Variants in PLXNC1 observed in about 807,000 individuals in gnomAD.
PLXNC1 encodes plexin-C1.
PLXNC1 carries 75 observed loss-of-function variants against 178.2 expected under a neutral mutation model. The observed-to-expected ratio is 0.42, with a 90% CI of 0.35 to 0.51. The LOEUF (loss-of-function observed/expected upper bound fraction) is 0.51, where lower values mean the gene tolerates loss of function less well. Among genes scored for constraint, PLXNC1 ranks in the 20% least tolerant of loss-of-function variants. PLXNC1 has a pLI of 0.02. For missense variants in PLXNC1, 1,503 were observed against 1,984.4 expected (o/e 0.76, Z 4.61); for synonymous variants, 790 against 779.9 (o/e 1.01, Z -0.22).
At chr12:94,194,520 G>A (rs1321526551) in intron 4 of PLXNC1, among the ~76,000 whole-genome samples, 4 of 152,296 alleles carry the variant, frequency 2.6e-5, no homozygotes, top group Admixed American at 6.5e-5. Flanking sequence ...TTGGGAGGCC[G>A]AGTTGGGTGA....
intron 9 of PLXNC1, among the ~76,000 whole-genome samples, chr12:94,231,501 G>A (rs1964101880): frequency 6.6e-6 from 1 of 152,128 alleles, no homozygotes; most frequent in Admixed American, 6.6e-5. Flanking sequence ...TTTTTTTAGT[G>A]TATGAGTTTG....
intron 4 of PLXNC1, among the ~76,000 whole-genome samples, chr12:94,199,160 A>G (rs549422709): frequency 6.6e-6 from 1 of 152,190 alleles, no homozygotes; most frequent in African/African-American, 2.4e-5. Context: ...ACCCAAAGGG[A>G]CCCACTCAGT....
At chr12:94,281,109 T>C (rs753891448) in intron 22 of PLXNC1, among the ~76,000 whole-genome samples, 6 of 152,142 alleles carry the variant, frequency 3.9e-5, no homozygotes, top group Non-Finnish European at 8.8e-5. Flanking sequence ...TGAAACTCTG[T>C]CTCTACTACA....
At chr12:94,177,226 TATAC>T (rs1490557204) in intron 2 of PLXNC1, among the ~76,000 whole-genome samples, 15,763 of 56,262 alleles carry the variant, frequency 0.28, 1,175 homozygotes, top group East Asian at 0.43. Flanking sequence ...TGTGTATATA[TATAC>T]ATATATATAT....
intron 22 of PLXNC1, among the ~76,000 whole-genome samples, chr12:94,280,466 C>T (rs2136138510): frequency 6.6e-6 from 1 of 152,300 alleles, no homozygotes; most frequent in South Asian, 2.1e-4. Flanking sequence ...CAGTCCAGCC[C>T]CCTGCTAAAA....
chr12:94,168,098 C>T (rs1277104022), intron 1 of PLXNC1: 2 of 152,158 alleles, frequency 1.3e-5, no homozygotes, highest in Non-Finnish European at 2.9e-5. Flanking sequence ...GTCTTAGCCT[C>T]CCCCTCCCCA....
In PLXNC1 at chr12:94,195,975, C is replaced by A. The variant is rs572468950; in HGVS notation, c.1439+9502C>A. On this transcript the variant is annotated intron_variant, in intron 4 of 30. Coordinates refer to ENST00000258526, the MANE Select transcript of PLXNC1 (RefSeq NM_005761.3). ...CCAGCTCCTTTTTTTATCTTGCTCTCCTGTCTTGAGGGTTCTTCTCCAAGT... is the reference window on the plus strand; with the variant it reads ...CCAGCTCCTTTTTTTATCTTGCTCTACTGTCTTGAGGGTTCTTCTCCAAGT... 2.6e-5 allele frequency among the ~76,000 whole-genome samples: 4 copies of A among 152,226 alleles called. No individual in the cohort carries two copies. In the South Asian group the frequency reaches 8.3e-4, roughly 32 times the overall value.
At chr12:94,251,786 G>A (rs1272032745) in intron 15 of PLXNC1, among the ~76,000 whole-genome samples, 1 of 152,226 alleles carries the variant, frequency 6.6e-6, no homozygotes, top group East Asian at 1.9e-4. Flanking sequence ...GAGGTCAGGA[G>A]TTCAAGACCA....
Position 94,299,224 on chromosome 12 carries a change from C to T in PLXNC1, c.4238+429C>T, listed in dbSNP as rs1431085138. Among the ~76,000 whole-genome samples, 3 of 152,176 alleles carry T rather than the reference C, an allele frequency of 2.0e-5. 1 individual carries two copies. The highest frequency in any genetic ancestry group is 2.1e-4 in the South Asian group (1 of 4,824). ...GTACAGAAATTTATCAAGTGCAGTA[C>T]TCAGATACTATGAGAATTAGCCAAA... On this transcript the variant is annotated intron_variant, in intron 27 of 30. Transcript: ENST00000258526.
intron 24 of PLXNC1, among the ~76,000 whole-genome samples, chr12:94,295,329 G>T (rs1024318642): frequency 3.3e-5 from 5 of 152,200 alleles, no homozygotes; most frequent in Non-Finnish European, 7.3e-5. Flanking sequence ...CTCCTTTGGG[G>T]AAACCCACCT....
chr12:94,268,835 T>A (rs1004336401), intron 21 of PLXNC1, among the ~76,000 whole-genome samples: 5 of 152,118 alleles, frequency 3.3e-5, no homozygotes, highest in Non-Finnish European at 4.4e-5. Context: ...CCTCAAGTGA[T>A]CCACCTGCCT....
chr12:94,224,538 T>C (rs1013533646), intron 7 of PLXNC1, among the ~76,000 whole-genome samples: 2 of 152,176 alleles, frequency 1.3e-5, no homozygotes, highest in African/African-American at 4.8e-5. Context: ...AGAAATCCCC[T>C]GTGCTTAAGT....
chr12:94,149,726 AC>A lies in PLXNC1; in HGVS notation c.756del (p.Tyr253ThrfsTer47). On this transcript the variant is annotated frameshift_variant, in exon 1 of 31. Transcript: ENST00000258526. LOFTEE classifies it high-confidence loss of function. ...ATCTACTTCCCCTACTACCCCTACA[AC>A]TACACGAGCGGCGCTGCCACCGGCT... ...GSIYFPYYPY[N>X]YTSGAATGWP... 1 of 1,611,734 alleles carries A rather than the reference AC, an allele frequency of 6.2e-7. No homozygotes were observed. Among genetic ancestry groups the A allele is most frequent in the Non-Finnish European group, 8.5e-7 (1 of 1,179,384 alleles).
chr12:94,243,149 A>T (rs1429392451), intron 11 of PLXNC1, among the ~76,000 whole-genome samples: 4 of 152,222 alleles, frequency 2.6e-5, no homozygotes, highest in Non-Finnish European at 4.4e-5. Context: ...TTCAGAGATC[A>T]GTGTCTTCTC....
rs559499714 is a variant in PLXNC1 at position 94,230,448 on chromosome 12, A to G, written c.1980+3213A>G. On this transcript the variant is annotated intron_variant, in intron 9 of 30. Transcript: ENST00000258526. ...ACTGGGGTCACCACAAGAGAAGAAG[A>G]AGGCTGAAAATAAACAAAAGCCCAG... 2.2e-3 allele frequency among the ~76,000 whole-genome samples: 329 copies of G among 152,266 alleles called. 1 individual carries two copies. Among genetic ancestry groups the G allele is most frequent in the African/African-American group, 7.3e-3 (305 of 41,538 alleles).
At chr12:94,231,693 CA>C (rs1332311972) in intron 9 of PLXNC1, among the ~76,000 whole-genome samples, 1 of 151,930 alleles carries the variant, frequency 6.6e-6, no homozygotes, top group Non-Finnish European at 1.5e-5. Context: ...GAAATGAGCT[CA>C]AAAATCTATG....
At chr12:94,255,892 C>T (rs1964823778) in intron 17 of PLXNC1, 3 of 153,002 alleles carry the variant, frequency 2.0e-5, no homozygotes, top group Non-Finnish European at 4.4e-5. Context: ...CTGATTAATT[C>T]ATTTGTTCTA....
chr12:94,186,735 G>T (rs1317961222), intron 4 of PLXNC1: 2 of 378,770 alleles, frequency 5.3e-6, no homozygotes, highest in African/African-American at 4.0e-5. Context: ...ACGGGAGAGA[G>T]CAGGCAGGTT....
At chr12:94,172,482 T>C (rs928253706) in intron 2 of PLXNC1, among the ~76,000 whole-genome samples, 1 of 152,220 alleles carries the variant, frequency 6.6e-6, no homozygotes, top group Non-Finnish European at 1.5e-5. Flanking sequence ...TTTTTCCTTA[T>C]TGTAAAGGTA....
Sources: gnomAD v4.1 joint callset for allele counts (sites outside exome capture counted in the v4.1 genomes callset) on GRCh38, gnomAD v4.1.1 for gene constraint, MANE v1.5 for transcripts, NCBI Gene and HGNC (gene_info 2026-07-23, HGNC 2026-07-21) for gene names.